DIAPH2: variants seen among roughly 807,000 people sequenced by gnomAD.
DIAPH2 encodes protein diaphanous homolog 2.
DIAPH2 carries 35 observed loss-of-function variants against 92.7 expected under a neutral mutation model. The observed-to-expected ratio is 0.38, with a 90% CI of 0.29 to 0.50. DIAPH2 has a LOEUF of 0.50. DIAPH2 is among the 20% of genes least tolerant of loss of function. The pLI is 0.94. For synonymous variants in DIAPH2, 301 were observed against 280.4 expected (o/e 1.07, Z -0.73); for missense variants, 701 against 819.5 (o/e 0.86, Z 1.77).
intron 23 of DIAPH2, among the ~76,000 whole-genome samples, chrX:97,254,692 T>C (rs2068221164): frequency 9.2e-6 from 1 of 108,435 alleles, no homozygotes; most frequent in Non-Finnish European, 1.9e-5. Context: ...AACTTTATTT[T>C]ATTTTATTTA....
intron 17 of DIAPH2, among the ~76,000 whole-genome samples, chrX:97,005,850 T>C (rs2066177864): frequency 9.0e-6 from 1 of 110,572 alleles, no homozygotes; most frequent in Admixed American, 9.6e-5. Flanking sequence ...CTGATTTTAG[T>C]GGTTTGATCT....
intron 24 of DIAPH2, among the ~76,000 whole-genome samples, chrX:97,364,525 C>G (rs1324496190): frequency 8.9e-6 from 1 of 112,108 alleles, no homozygotes; most frequent in Non-Finnish European, 1.9e-5. Flanking sequence ...GGGGTTACCC[C>G]AAGCTTACTG....
chrX:97,348,097 T>C lies in DIAPH2; in HGVS notation c.2845-19T>C, dbSNP rs1415350831. 1 of 1,208,707 alleles carries C rather than the reference T, an allele frequency of 8.3e-7. No homozygotes were observed. Among genetic ancestry groups the C allele is most frequent in the Admixed American group, 2.2e-5 (1 of 45,847 alleles). Reference sequence around the variant, plus strand: ...CTTTAAAAGGTACTGTTGAGCCATGTTCCTTAACAAAAAGCTACAGCTTTA... The same window carrying C: ...CTTTAAAAGGTACTGTTGAGCCATGCTCCTTAACAAAAAGCTACAGCTTTA... On this transcript the variant is annotated intron_variant, in intron 23 of 26. Coordinates refer to ENST00000324765, the MANE Select transcript of DIAPH2 (RefSeq NM_006729.5).
intron 3 of DIAPH2, among the ~76,000 whole-genome samples, chrX:96,749,366 G>C (rs925917275): frequency 9.1e-6 from 1 of 110,376 alleles, no homozygotes; most frequent in Non-Finnish European, 1.9e-5. Flanking sequence ...AGTGAGAACA[G>C]TGTCACTATG....
At chrX:97,377,048 C>T (rs1462287932) in intron 24 of DIAPH2, among the ~76,000 whole-genome samples, 2 of 112,023 alleles carry the variant, frequency 1.8e-5, no homozygotes, top group Non-Finnish European at 3.8e-5. Context: ...CAAGCACACA[C>T]ATTAGCCTAG....
rs75776432 is a variant in DIAPH2 at position 97,185,486 on chromosome X, T to C, written c.2719+43692T>C. Among the ~76,000 whole-genome samples, 38 of 14,742 alleles carry C rather than the reference T, an allele frequency of 2.6e-3. 2 individuals carry two copies. The highest frequency in any genetic ancestry group is 4.5e-3 in the Admixed American group (4 of 886). The allele number at this position is 14,742 out of a possible 115,157, so 12.8% of individuals were successfully genotyped here. ...ATATATATATACACATATATATATATATATATATATATATATATATATATA... is the reference window on the plus strand; with the variant it reads ...ATATATATATACACATATATATATACATATATATATATATATATATATATA... On this transcript the variant is annotated intron_variant, in intron 22 of 26. Coordinates refer to ENST00000324765, the MANE Select transcript of DIAPH2 (RefSeq NM_006729.5).
At chrX:97,397,782 A>G (rs1317542234) in intron 25 of DIAPH2, among the ~76,000 whole-genome samples, 4 of 112,386 alleles carry the variant, frequency 3.6e-5, no homozygotes, top group Non-Finnish European at 5.6e-5. Flanking sequence ...ACCAATATCT[A>G]CACATTCTTG....
intron 19 of DIAPH2, among the ~76,000 whole-genome samples, chrX:97,096,767 C>T (rs190679965): frequency 8.9e-6 from 1 of 111,969 alleles, no homozygotes; most frequent in Admixed American, 9.5e-5. Context: ...CATCTGACCA[C>T]GTTGGGGATG....
intron 22 of DIAPH2, among the ~76,000 whole-genome samples, chrX:97,233,869 GT>G (rs373218999): frequency 1.8e-5 from 2 of 110,290 alleles, no homozygotes; most frequent in East Asian, 2.8e-4. Context: ...CAATTAAAAA[GT>G]TTTTTTTTCT....
intron 17 of DIAPH2, among the ~76,000 whole-genome samples, chrX:97,010,764 A>G (rs1347120218): frequency 8.9e-6 from 1 of 112,063 alleles, no homozygotes; most frequent in Non-Finnish European, 1.9e-5. Context: ...CTACGGTATG[A>G]TCTAAGATGA....
chrX:97,075,052 T>C (rs1284091356), intron 18 of DIAPH2, 115 bp from the exon 19 acceptor site: 7 of 426,991 alleles, frequency 1.6e-5, no homozygotes, highest in Non-Finnish European at 2.8e-5. Flanking sequence ...TTCATAATTC[T>C]GTATATTAGT....
rs1332196284 is a variant in DIAPH2 at position 97,347,880 on chromosome X, C to A, written c.2845-236C>A. Among the ~76,000 whole-genome samples, 9 of 111,350 alleles carry A rather than the reference C, an allele frequency of 8.1e-5. 1 individual carries two copies. Among genetic ancestry groups the A allele is most frequent in the Admixed American group, 1.9e-4 (2 of 10,412 alleles). On this transcript the variant is annotated intron_variant, in intron 23 of 26. Transcript: ENST00000324765. ...TGGAGAGACCTCAGAAGAAACTAAA[C>A]CCACCAGACCCTGATCTCAGACTTC... is the stretch of plus-strand genomic sequence containing the variant.
intron 4 of DIAPH2, among the ~76,000 whole-genome samples, chrX:96,821,161 T>G (rs1374693700): frequency 8.9e-6 from 1 of 112,023 alleles, no homozygotes; most frequent in Admixed American, 9.5e-5. Context: ...CTAAAACTAC[T>G]ATTTGTCTTT....
intron 24 of DIAPH2, among the ~76,000 whole-genome samples, chrX:97,367,106 G>GA (rs1469656192): frequency 1.8e-5 from 2 of 111,239 alleles, no homozygotes; most frequent in Admixed American, 9.6e-5. Context: ...AAGCCTAATG[G>GA]AAAAAAATCC....
chrX:97,149,652 A>G (rs887645722), intron 22 of DIAPH2, among the ~76,000 whole-genome samples: 8 of 96,526 alleles, frequency 8.3e-5, no homozygotes, highest in Non-Finnish European at 1.6e-4. Flanking sequence ...AATGGCGTGA[A>G]CCCAGGAGGT....
chrX:96,929,594 A>G (rs1449932597), intron 9 of DIAPH2, among the ~76,000 whole-genome samples: 1 of 111,102 alleles, frequency 9.0e-6, no homozygotes, highest in African/African-American at 3.3e-5. Context: ...TCTTCTCCCT[A>G]TTTTGGAAAA....
chrX:97,258,355 C>T (rs759441819), intron 23 of DIAPH2, among the ~76,000 whole-genome samples: 22 of 111,847 alleles, frequency 2.0e-4, no homozygotes, highest in Middle Eastern at 4.6e-3. Context: ...GGGTGGATCA[C>T]CTGAGGTCAG....
chrX:97,209,438 A>G (rs764876771), intron 22 of DIAPH2, among the ~76,000 whole-genome samples: 20 of 111,744 alleles, frequency 1.8e-4, no homozygotes, highest in Non-Finnish European at 2.5e-4. Flanking sequence ...TTGTGCCAAT[A>G]CATATAAAGT....
intron 22 of DIAPH2, among the ~76,000 whole-genome samples, 194 bp downstream of exon 22, chrX:97,141,988 AT>A (rs752355823): frequency 2.7e-5 from 3 of 111,337 alleles, no homozygotes; most frequent in East Asian, 2.8e-4. Flanking sequence ...GTCTTACATC[AT>A]TTTTTTTACC....
Sources: allele counts gnomAD v4.1 joint callset (sites outside exome capture counted in the v4.1 genomes callset), GRCh38; gene constraint gnomAD v4.1.1; transcripts MANE v1.5; gene names NCBI Gene and HGNC (gene_info 2026-07-23, HGNC 2026-07-21).